PLEKHA7: variants seen among roughly 807,000 people sequenced by gnomAD.
PLEKHA7 encodes the protein pleckstrin homology domain containing A7.
Under a neutral mutation model 170.0 loss-of-function variants are expected in PLEKHA7, and 104 were observed. The observed-to-expected ratio is 0.61, with a 90% CI of 0.52 to 0.72. The LOEUF (loss-of-function observed/expected upper bound fraction) is 0.72, where lower values mean the gene tolerates loss of function less well. Ranked by LOEUF, PLEKHA7 falls within the 30% of genes least tolerant of loss-of-function variation. The pLI is 0.00. For synonymous variants in PLEKHA7, 648 were observed against 660.8 expected, an observed-to-expected ratio of 0.98 and a Z score of 0.30; for missense variants, 1,615 against 1,671.7, an observed-to-expected ratio of 0.97 and a Z score of 0.59.
rs2134726204 is a variant in PLEKHA7 at position 16,817,514 on chromosome 11, C to A, written c.1344-192G>T. 1.9e-6 allele frequency: 1 copy of A among 534,418 alleles called. No homozygotes were observed. Among genetic ancestry groups the A allele is most frequent in the East Asian group, 3.0e-5 (1 of 33,738 alleles). The allele number at this position is 534,418 out of a possible 1,614,324, so 33.1% of individuals were successfully genotyped here. ...GGCAGACGACTCCAAAACCATTTTT[C>A]TCTGTCAACTTCCTCTGCCAGGACA... On this transcript the variant is annotated intron_variant, in intron 10 of 26. Coordinates refer to ENST00000531066, the MANE Select transcript of PLEKHA7 (RefSeq NM_001329630.2). This position sits in a 1 kb window ranked among gnomAD's most constrained non-coding sequence, Gnocchi z 4.4.
intron 3 of PLEKHA7, among the ~76,000 whole-genome samples, chr11:16,994,667 C>T (rs963324193): frequency 5.3e-5 from 8 of 152,144 alleles, no homozygotes; most frequent in Non-Finnish European, 8.8e-5. Flanking sequence ...TCCTAGAACA[C>T]GACAGGCTCT....
chr11:16,819,793 T>G (rs77190435), intron 10 of PLEKHA7, among the ~76,000 whole-genome samples: 2,386 of 152,312 alleles, frequency 0.016, 29 homozygotes, highest in Middle Eastern at 0.065. Flanking sequence ...CCAGAGGTTT[T>G]GGGAGGGAGA....
At chr11:16,941,879 T>A (rs1353490155) in intron 3 of PLEKHA7, among the ~76,000 whole-genome samples, 1 of 152,206 alleles carries the variant, frequency 6.6e-6, no homozygotes. Context: ...CATGGGTAAT[T>A]ATAAGCAACA....
Position 16,791,174 on chromosome 11 carries a change from G to C in PLEKHA7, c.2771C>G (p.Pro924Arg), listed in dbSNP as rs1847825611. The stretch of plus-strand genomic sequence containing the variant: ...CTCTGGGCTGTAGAGTTCGGGGAGT[G>C]GGGGCCTGGGAGGTGCTTCATCTTC... Reference protein sequence around the residue: ...KVEDEAPPRPPLPELYSPEDQ... With the variant: ...KVEDEAPPRPRLPELYSPEDQ... Residue 924 changes from proline to arginine, a missense_variant, in exon 20 of 27, where the codon CCA (proline) becomes CGA (arginine). Pro to Arg is a moderately radical substitution (Grantham distance 103). Transcript: ENST00000531066. This position sits in a 1 kb window ranked among gnomAD's most constrained non-coding sequence, Gnocchi z 4.5. 3 of 1,605,158 alleles carry C rather than the reference G, an allele frequency of 1.9e-6. No individual in the cohort carries two copies. The highest frequency in any genetic ancestry group is 2.2e-5 in the East Asian group (1 of 44,686).
intron 20 of PLEKHA7, 23 bp from the exon 21 acceptor site, chr11:16,790,938 T>C (rs775041975): frequency 3.1e-6 from 5 of 1,613,730 alleles, no homozygotes; most frequent in South Asian, 1.1e-5. Flanking sequence ...TCCCAGGTGA[T>C]GTGACCTGCC....
At chr11:16,844,638 C>T (rs1302121979) in intron 8 of PLEKHA7, among the ~76,000 whole-genome samples, 1 of 152,132 alleles carries the variant, frequency 6.6e-6, no homozygotes, top group Non-Finnish European at 1.5e-5. Context: ...ACAAGCTATG[C>T]CTAAAGGAAA....
chr11:16,803,226 C>A lies in PLEKHA7; in HGVS notation c.2076+1G>T, dbSNP rs1848719412. On this transcript the variant is annotated splice_donor_variant, in intron 14 of 26. Coordinates refer to ENST00000531066, the MANE Select transcript of PLEKHA7 (RefSeq NM_001329630.2). LOFTEE classifies it high-confidence loss of function. Reference sequence around the variant, plus strand: ...GTCAGCGTGTCACTCTGCTCACTCACGTCAGTGTCGCTCTCAGCGATCTTC... The same window carrying A: ...GTCAGCGTGTCACTCTGCTCACTCAAGTCAGTGTCGCTCTCAGCGATCTTC... 1 of 1,613,196 alleles carries A rather than the reference C, an allele frequency of 6.2e-7. No homozygotes were observed. The highest frequency in any genetic ancestry group is 8.5e-7 in the Non-Finnish European group (1 of 1,179,246).
chr11:16,794,045 G>C (rs530356081), intron 19 of PLEKHA7, among the ~76,000 whole-genome samples: 1 of 152,298 alleles, frequency 6.6e-6, no homozygotes, highest in East Asian at 1.9e-4. Flanking sequence ...ACCCAGCCCA[G>C]TGCTCAGCGG....
At chr11:16,879,329 C>T (rs540193849) in intron 3 of PLEKHA7, among the ~76,000 whole-genome samples, 1 of 152,298 alleles carries the variant, frequency 6.6e-6, no homozygotes, top group South Asian at 2.1e-4. Flanking sequence ...ACTTGAACCC[C>T]TTTACTTCAA....
At chr11:16,901,662 A>AG (rs555525654) in intron 3 of PLEKHA7, among the ~76,000 whole-genome samples, 166 of 152,304 alleles carry the variant, frequency 1.1e-3, no homozygotes, top group African/African-American at 4.0e-3. Flanking sequence ...TGAGCTCATG[A>AG]GTTCAAGCCC....
intron 4 of PLEKHA7, among the ~76,000 whole-genome samples, chr11:16,862,640 C>G (rs971723609): frequency 6.6e-6 from 1 of 152,202 alleles, no homozygotes; most frequent in Non-Finnish European, 1.5e-5. Flanking sequence ...AAGACAGAGC[C>G]AAAGACATGG....
At chr11:16,830,871 T>C (rs1298302771) in intron 9 of PLEKHA7, among the ~76,000 whole-genome samples, 2 of 152,234 alleles carry the variant, frequency 1.3e-5, no homozygotes, top group Non-Finnish European at 2.9e-5. Context: ...ATGGAGTCTG[T>C]TAGTCTTCCC....
chr11:16,909,059 T>C (rs1858065575), intron 3 of PLEKHA7, among the ~76,000 whole-genome samples: 1 of 152,188 alleles, frequency 6.6e-6, no homozygotes, highest in Non-Finnish European at 1.5e-5. Flanking sequence ...ATTTACAAAA[T>C]GGAGAAAATT....
chr11:16,913,405 G>A (rs918328789), intron 3 of PLEKHA7, among the ~76,000 whole-genome samples: 27 of 152,284 alleles, frequency 1.8e-4, no homozygotes, highest in African/African-American at 5.5e-4. Context: ...GGTGTTATCA[G>A]CAGCAACTCG....
intron 3 of PLEKHA7, among the ~76,000 whole-genome samples, chr11:16,949,351 T>G (rs1452921735): frequency 1.3e-5 from 2 of 152,162 alleles, no homozygotes; most frequent in African/African-American, 2.4e-5. Context: ...TGAAATGCAT[T>G]TATAATGTTG....
chr11:16,786,358 C>T lies in PLEKHA7; in HGVS notation c.3387G>A (p.Gln1129=), dbSNP rs1849393578. ...SWKREQDFDL[Q]LLERVVQGEK... ...CCCCTTGCACGACCCGTTCCAGCAA[C>T]TGCAGGTCAAAGTCCTGCTCACGCT... Residue 1129 remains glutamine (Q), a synonymous_variant, in exon 24 of 27, where the codon CAG becomes CAA. Transcript: ENST00000531066. The T allele has an allele frequency of 2.0e-6, 3 of 1,536,194 alleles. No individual in the cohort carries two copies. The highest frequency in any genetic ancestry group is 1.7e-4 in the Middle Eastern group (1 of 5,990).
At chr11:17,013,848 A>T in intron 3 of PLEKHA7, 141 bp downstream of exon 3, 2 of 1,007,410 alleles carry the variant, frequency 2.0e-6, no homozygotes, top group Non-Finnish European at 2.7e-6. Context: ...GGCACACAAA[A>T]CGTTGAGTGT....
intron 4 of PLEKHA7, among the ~76,000 whole-genome samples, chr11:16,865,061 C>T (rs1193529416): frequency 6.6e-6 from 1 of 152,162 alleles, no homozygotes; most frequent in Non-Finnish European, 1.5e-5. Context: ...GAACCCTCAC[C>T]ATAATGGTCC....
At chr11:16,908,525 T>C (rs1342981605) in intron 3 of PLEKHA7, among the ~76,000 whole-genome samples, 3 of 151,794 alleles carry the variant, frequency 2.0e-5, no homozygotes, top group Non-Finnish European at 2.9e-5. Flanking sequence ...AGACAGAGTC[T>C]TGCTCTGTAG....
Sources: gnomAD v4.1 joint callset for allele counts (sites outside exome capture counted in the v4.1 genomes callset) on GRCh38, gnomAD v4.1.1 for gene constraint, Gnocchi (gnomAD v3.1) non-coding constraint, MANE v1.5 for transcripts, NCBI Gene and HGNC (gene_info 2026-07-23, HGNC 2026-07-21) for gene names.